LRRC4C: variants seen among roughly 807,000 people sequenced by gnomAD.
The protein encoded by LRRC4C is leucine-rich repeat-containing protein 4C.
Under a neutral mutation model 33.6 loss-of-function variants are expected in LRRC4C, and 5 were observed. That is an observed-to-expected ratio of 0.15 (90% CI 0.08 to 0.31). The LOEUF is 0.31. LRRC4C is among the 10% of genes least tolerant of loss of function. LRRC4C has a pLI of 1.00. For synonymous variants in LRRC4C, 329 were observed against 302.0 expected (o/e 1.09, Z -0.93); for missense variants, 560 against 796.7 (o/e 0.70, Z 3.58).
Position 40,888,994 on chromosome 11 carries a change from G to A in LRRC4C, c.-407+44641C>T, listed in dbSNP as rs184587081. Among the ~76,000 whole-genome samples, 173 of 151,920 alleles carry A rather than the reference G, an allele frequency of 1.1e-3. 1 individual carries two copies. The highest frequency in any genetic ancestry group is 4.0e-3 in the African/African-American group (164 of 41,468). On this transcript the variant is annotated intron_variant, in intron 2 of 6. Transcript: ENST00000528697. ...CTACCAAATATTATCTTATATAAAG[G>A]GTCCTTCCTTCCTGGAGGGCAATTT... is the stretch of plus-strand genomic sequence containing the variant.
At chr11:40,807,899 A>G (rs897206129) in intron 2 of LRRC4C, among the ~76,000 whole-genome samples, 3 of 152,216 alleles carry the variant, frequency 2.0e-5, no homozygotes, top group African/African-American at 7.2e-5. Context: ...GCCAGGGTGC[A>G]GTAGCCTAGA....
intron 3 of LRRC4C, among the ~76,000 whole-genome samples, chr11:40,324,632 C>A (rs1472717175): frequency 1.3e-5 from 2 of 152,074 alleles, no homozygotes; most frequent in African/African-American, 4.8e-5. Context: ...GGTCCTGGCT[C>A]TCAAGATATC....
At chr11:40,142,277 CAAAAAAAAAAAAA>C (rs10577509) in intron 5 of LRRC4C, among the ~76,000 whole-genome samples, 2 of 60,778 alleles carry the variant, frequency 3.3e-5, no homozygotes, top group Non-Finnish European at 5.8e-5. Flanking sequence ...GATTCTGTCT[CAAAAAAAAAAAAA>C]AAAAAAAAAA....
At chr11:40,597,726 C>T (rs1959504219) in intron 3 of LRRC4C, among the ~76,000 whole-genome samples, 1 of 152,152 alleles carries the variant, frequency 6.6e-6, no homozygotes, top group African/African-American at 2.4e-5. Flanking sequence ...GCTTAAGGAA[C>T]GCTGAGCTAG....
At chr11:40,315,845 A>G (rs1945549268) in intron 4 of LRRC4C, among the ~76,000 whole-genome samples, 1 of 151,934 alleles carries the variant, frequency 6.6e-6, no homozygotes, top group African/African-American at 2.4e-5. Context: ...CCTTCTCTAA[A>G]CTCTTAACAC....
chr11:40,819,892 A>C (rs1397765550), intron 2 of LRRC4C, among the ~76,000 whole-genome samples: 1 of 152,088 alleles, frequency 6.6e-6, no homozygotes, highest in Admixed American at 6.6e-5. Context: ...AGTAAAATCA[A>C]GAATTAATTT....
chr11:41,401,379 G>A (rs1379940994), intron 1 of LRRC4C, among the ~76,000 whole-genome samples: 10 of 151,660 alleles, frequency 6.6e-5, no homozygotes, highest in Admixed American at 5.9e-4. Flanking sequence ...GTTTTGAGAG[G>A]AAAAAAATAA....
intron 2 of LRRC4C, among the ~76,000 whole-genome samples, chr11:40,718,997 T>A (rs1293802672): frequency 6.6e-6 from 1 of 152,192 alleles, no homozygotes; most frequent in Non-Finnish European, 1.5e-5. Flanking sequence ...ACCTATAATT[T>A]TCTGAAATTT....
At chr11:40,760,798 TATAC>T (rs61430508) in intron 2 of LRRC4C, among the ~76,000 whole-genome samples, 27,943 of 142,186 alleles carry the variant, frequency 0.2, 3,069 homozygotes, top group East Asian at 0.39. Context: ...TATATATATA[TATAC>T]ACACACACAC....
At chr11:41,387,139 G>C (rs560823409) in intron 1 of LRRC4C, among the ~76,000 whole-genome samples, 17 of 151,750 alleles carry the variant, frequency 1.1e-4, no homozygotes, top group African/African-American at 4.1e-4. Context: ...TTTATTAACT[G>C]ATAAAAGCTT....
At chr11:40,428,088 A>C (rs180889726) in intron 3 of LRRC4C, among the ~76,000 whole-genome samples, 1 of 152,202 alleles carries the variant, frequency 6.6e-6, no homozygotes, top group Non-Finnish European at 1.5e-5. Flanking sequence ...ATTCAAGTTA[A>C]TATCTGTATA....
intron 3 of LRRC4C, among the ~76,000 whole-genome samples, chr11:40,643,189 C>T (rs563899072): frequency 2.3e-4 from 35 of 152,188 alleles, no homozygotes; most frequent in African/African-American, 8.4e-4. Context: ...TATACACACA[C>T]ACACAGAGAA....
At chr11:40,452,106 T>C (rs1216243855) in intron 3 of LRRC4C, among the ~76,000 whole-genome samples, 1 of 152,046 alleles carries the variant, frequency 6.6e-6, no homozygotes, top group East Asian at 1.9e-4. Context: ...CAAAACCCCA[T>C]CTGTACCATC....
chr11:40,430,882 G>A (rs1950895629), intron 3 of LRRC4C, among the ~76,000 whole-genome samples: 1 of 140,618 alleles, frequency 7.1e-6, no homozygotes, highest in Admixed American at 7.5e-5. Flanking sequence ...TCACTCATAG[G>A]TGGGAATTGA....
intron 3 of LRRC4C, among the ~76,000 whole-genome samples, chr11:40,579,609 C>G (rs1958375205): frequency 6.6e-6 from 1 of 151,978 alleles, no homozygotes; most frequent in African/African-American, 2.4e-5. Flanking sequence ...TTTTCATCAC[C>G]CAAAAATGTT....
At position 40,586,658 on chromosome 11, in the gene LRRC4C, G is replaced by T. The variant is rs9734175; in HGVS notation, c.-270+61484C>A. Among the ~76,000 whole-genome samples, 310 of 149,806 alleles carry T rather than the reference G, an allele frequency of 2.1e-3. 2 individuals are homozygous for T. The highest frequency in any genetic ancestry group is 7.0e-3 in the African/African-American group (285 of 40,644). ...TCTTGAATTGATTTTTGTATAAGGT[G>T]TAAGGAAGGGATCCAGTTTCAGCTT... On this transcript the variant is annotated intron_variant, in intron 3 of 6. Coordinates refer to ENST00000528697, the MANE Select transcript of LRRC4C (RefSeq NM_001258419.2).
chr11:40,342,335 G>A (rs1288403091), intron 3 of LRRC4C, among the ~76,000 whole-genome samples: 1 of 152,086 alleles, frequency 6.6e-6, no homozygotes, highest in African/African-American at 2.4e-5. Flanking sequence ...TGGGCATGGT[G>A]GTGCGCACCT....
chr11:40,269,904 C>T (rs903560122), intron 4 of LRRC4C, among the ~76,000 whole-genome samples: 3 of 151,986 alleles, frequency 2.0e-5, no homozygotes, highest in African/African-American at 7.2e-5. Context: ...CTTGGGATTC[C>T]TTTTTAGAAT....
chr11:41,316,675 T>C (rs1950807838), intron 1 of LRRC4C, among the ~76,000 whole-genome samples: 2 of 152,186 alleles, frequency 1.3e-5, no homozygotes, highest in Non-Finnish European at 2.9e-5. Context: ...AACTATACTT[T>C]GCTAAATCTC....
Sources: gnomAD v4.1 joint callset for allele counts (sites outside exome capture counted in the v4.1 genomes callset) on GRCh38, gnomAD v4.1.1 for gene constraint, MANE v1.5 for transcripts, NCBI Gene and HGNC (gene_info 2026-07-23, HGNC 2026-07-21) for gene names.